The following CHTF18 variants were observed in gnomAD, a reference collection of about 807,000 sequenced individuals.
The protein encoded by CHTF18 is chromosome transmission fidelity factor 18.
CHTF18 carries 151 observed loss-of-function variants against 113.4 expected under a neutral mutation model. That is an observed-to-expected ratio of 1.33 (90% CI 1.17 to 1.52). The LOEUF is 1.52. CHTF18 is among the 40% of genes most tolerant of loss of function. The pLI is 0.00. For synonymous variants in CHTF18, 916 were observed against 598.8 expected, an observed-to-expected ratio of 1.53 and a Z score of -7.74; for missense variants, 1,982 against 1,381.6, an observed-to-expected ratio of 1.43 and a Z score of -6.89.
chr16:794,519 G>C (rs556018096), intron 15 of CHTF18, among the ~76,000 whole-genome samples: 21 of 152,266 alleles, frequency 1.4e-4, no homozygotes, highest in Non-Finnish European at 2.8e-4. Flanking sequence ...CTGGGGCTGC[G>C]AGGGGCTGGA....
chr16:793,156 C>T lies in CHTF18; in HGVS notation c.1684C>T (p.Arg562Trp), dbSNP rs779317202. ...GCCCTATGTCTAGTTCCTGTACAGCCGGGGCCAGCGGGAGCTGAGCGTGCG... is the reference window on the plus strand; with the variant it reads ...GCCCTATGTCTAGTTCCTGTACAGCTGGGGCCAGCGGGAGCTGAGCGTGCG... Reference protein sequence around the residue: ...CINTLQFLYSRGQRELSVRDV... With the variant: ...CINTLQFLYSWGQRELSVRDV... Residue 562 changes from arginine (R) to tryptophan (W), a missense_variant, in exon 14 of 22, where the codon CGG (arginine) becomes TGG (tryptophan). By Grantham distance (101) the Arg-to-Trp change is moderately radical. Transcript: ENST00000262315. 55 of 1,603,004 alleles carry T rather than the reference C, an allele frequency of 3.4e-5. No homozygotes were observed. The highest frequency in any genetic ancestry group is 1.4e-4 in the East Asian group (6 of 44,434).
In CHTF18 at chr16:789,608, G is replaced by A. The variant is rs779803015; in HGVS notation, c.499G>A (p.Val167Ile). The A allele has an allele frequency of 6.8e-6, 11 of 1,608,688 alleles. No homozygotes were observed. Among genetic ancestry groups the A allele is most frequent in the Admixed American group, 5.0e-5 (3 of 59,888 alleles). Residue 167 changes from valine to isoleucine, a missense_variant, in exon 4 of 22, where the codon GTC becomes ATC. By Grantham distance (29) the Val-to-Ile change is conservative (BLOSUM62 3). Coordinates refer to ENST00000262315, the MANE Select transcript of CHTF18 (RefSeq NM_022092.3). ...GGCCTCACCAGCTGCCCGCAATCCC[G>A]TCCTGAGGCGGCCCCCCATCTTGGA... ...TRASPAARNPVLRRPPILEDY... is the reference protein window; with the variant it reads ...TRASPAARNPILRRPPILEDY...
chr16:789,188 T>A (rs1395425243), intron 2 of CHTF18, 22 bp from the exon 3 acceptor site: 1 of 1,550,248 alleles, frequency 6.5e-7, no homozygotes, highest in Non-Finnish European at 8.7e-7. Context: ...GGCCTCTGGT[T>A]CCCTGCATGT....
chr16:797,987 G>T lies in CHTF18; in HGVS notation c.*12G>T, dbSNP rs201902311. The stretch of plus-strand genomic sequence containing the variant: ...GGGACTTGCTCTAGTTCTCTGAGCC[G>T]CGGACATGCCCTCGCATTGCTTCCC... On this transcript the variant is annotated 3_prime_UTR_variant, in exon 22 of 22. Coordinates refer to ENST00000262315, the MANE Select transcript of CHTF18 (RefSeq NM_022092.3). The T allele has an allele frequency of 2.6e-4, 411 of 1,605,406 alleles. 1 individual carries two copies. The African/African-American group carries it at 4.4e-3, about 17-fold the overall frequency.
In CHTF18 at chr16:790,593, A is replaced by G; in HGVS notation, c.821A>G (p.Gln274Arg). ...GAPEEEPTDG[Q>R]DASSHCLWVD... ...CCTGAGGAGGAGCCGACTGACGGTC[A>G]AGACGCCTCCAGTCACTGCCTCTGG... Residue 274 changes from glutamine (Q) to arginine (R), a missense_variant, in exon 7 of 22, where the codon CAA becomes CGA. By Grantham distance (43) the Gln-to-Arg change is conservative (BLOSUM62 1). Coordinates refer to ENST00000262315, the MANE Select transcript of CHTF18 (RefSeq NM_022092.3). The G allele has an allele frequency of 6.3e-7, 1 of 1,597,964 alleles. No homozygotes were observed. Among genetic ancestry groups the G allele is most frequent in the Non-Finnish European group, 8.5e-7 (1 of 1,173,286 alleles).
rs760602273 is a variant in CHTF18, at chr16:792,465, C to A, written c.1353C>A (p.Ile451=). The part of the protein sequence containing the change: ...PVAAINVLLS[I]LNRKGPQEVG... ...CCGCCATCAACGTCCTCCTGAGCAT[C>A]CTGAACCGCAAGGGGCCACAGGAGG... Residue 451 remains isoleucine (I), a synonymous_variant, in exon 11 of 22, where the codon ATC becomes ATA. Coordinates refer to ENST00000262315, the MANE Select transcript of CHTF18 (RefSeq NM_022092.3). 3.7e-5 allele frequency: 58 copies of A among 1,575,992 alleles called. No homozygotes were observed. The highest frequency in any genetic ancestry group is 4.5e-5 in the Non-Finnish European group (52 of 1,161,280).
At position 789,213 on chromosome 16, in the gene CHTF18, C is replaced by G. The variant is rs373985359; in HGVS notation, c.290C>G (p.Pro97Arg). The G allele has an allele frequency of 3.5e-5, 55 of 1,551,198 alleles. No individual in the cohort carries two copies. Among genetic ancestry groups the G allele is most frequent in the Non-Finnish European group, 4.4e-5 (51 of 1,147,516 alleles). ...TCCCTGCATGTGTCTCCCCCAGCCC[C>G]CAGGATCAAACGGCCTAGGCTGCAG... The part of the protein sequence containing the change: ...LQPAGSLPHA[P>R]RIKRPRLQVV... Residue 97 changes from proline (P) to arginine (R), a missense_variant, in exon 3 of 22, where the codon CCC becomes CGC. Transcript: ENST00000262315.
intron 8 of CHTF18, 189 bp downstream of exon 8, chr16:791,559 T>G (rs1056913189): frequency 2.1e-6 from 3 of 1,434,860 alleles, no homozygotes; most frequent in Non-Finnish European, 2.7e-6. Flanking sequence ...TCGTTGTCCC[T>G]GAAGGGCTCT....
At chr16:797,624 C>T in intron 20 of CHTF18, 70 bp from the exon 21 acceptor site, 4 of 1,548,560 alleles carry the variant, frequency 2.6e-6, no homozygotes, top group South Asian at 1.1e-5. Flanking sequence ...GGCTCTCGGT[C>T]CTCCTGTCTT....
Position 793,215 on chromosome 16 carries a change from C to A in CHTF18, c.1743C>A (p.Asp581Glu), listed in dbSNP as rs772196910. 51 of 1,609,458 alleles carry A rather than the reference C, an allele frequency of 3.2e-5. No homozygotes were observed. The highest frequency in any genetic ancestry group is 4.3e-5 in the Non-Finnish European group (51 of 1,178,960). ...DVQATRVGLK[D>E]QRRGLFSVWQ... The stretch of plus-strand genomic sequence containing the variant: ...AGGCCACACGCGTGGGCCTCAAGGA[C>A]CAGCGCAGAGGGCTCTTCTCGGTGT... The change falls in exon 14 of 22, where the codon GAC (aspartate) becomes GAA (glutamate). Residue 581 changes from aspartate to glutamate, a missense_variant. Transcript: ENST00000262315.
At chr16:794,013 T>A (rs765774700) in intron 14 of CHTF18, 41 bp from the exon 15 acceptor site, 25 of 1,590,704 alleles carry the variant, frequency 1.6e-5, no homozygotes, top group Non-Finnish European at 2.1e-5. Context: ...CTGCCTGTGC[T>A]TTTAACACGG....
intron 6 of CHTF18, 33 bp downstream of exon 6, chr16:790,432 C>G (rs909292170): frequency 9.9e-6 from 16 of 1,611,490 alleles, no homozygotes; most frequent in Admixed American, 1.7e-5. Context: ...CCTGGGGACC[C>G]TTGTTGGCTC....
chr16:797,842 A>G lies in CHTF18; in HGVS notation c.2795A>G (p.Asp932Gly). 6.2e-7 allele frequency: 1 copy of G among 1,602,562 alleles called. No homozygotes were observed. The highest frequency in any genetic ancestry group is 1.3e-5 in the African/African-American group (1 of 74,848). The stretch of plus-strand genomic sequence containing the variant: ...GAGCAACCCTGTGGCCCCGCAGGGG[A>G]CACGGCCCCGGAGCAGGACTCAGTG... The part of the protein sequence containing the change: ...VRSTAVPSAG[D>G]TAPEQDSVER... Residue 932 changes from aspartate to glycine, a missense_variant, in exon 22 of 22, where the codon GAC (aspartate) becomes GGC (glycine). Transcript: ENST00000262315.
chr16:790,908 C>T (rs1253723635), intron 7 of CHTF18: 29 of 1,432,784 alleles, frequency 2.0e-5, no homozygotes, highest in Middle Eastern at 5.1e-4. Context: ...TGTTCCCTTT[C>T]CTACCTTCAC....
intron 16 of CHTF18, 38 bp downstream of exon 16, chr16:795,394 G>A (rs372140329): frequency 1.0e-5 from 15 of 1,437,092 alleles, no homozygotes; most frequent in Admixed American, 6.7e-5. Flanking sequence ...CCCCGGCCCC[G>A]TGCCCGCCCC....
rs916855764 is a variant in CHTF18, at chr16:797,809, C to T, written c.2792-30C>T. On this transcript the variant is annotated intron_variant, in intron 21 of 21. Transcript: ENST00000262315. ...GCCTGGGGGTTGTGGGGGGGCCTTA[C>T]AGCTGAGGAGCAACCCTGTGGCCCC... The T allele has an allele frequency of 2.5e-6, 4 of 1,588,870 alleles. No individual in the cohort carries two copies. In the South Asian group the frequency reaches 3.4e-5, roughly 13 times the overall value.
Position 792,817 on chromosome 16 carries a change from T to G in CHTF18, c.1572+6T>G. 1 of 1,539,796 alleles carries G rather than the reference T, an allele frequency of 6.5e-7. No homozygotes were observed. Among genetic ancestry groups the G allele is most frequent in the Non-Finnish European group, 8.7e-7 (1 of 1,146,698 alleles). ...TGGTGCAGCGGCTCCAGGAGGTCGG[T>G]GGAGCCCCAGGAGCCGTGTGGCTGA... On this transcript the variant is annotated splice_donor_region_variant and intron_variant, in intron 12 of 21. Transcript: ENST00000262315.
chr16:792,889 C>G, intron 12 of CHTF18, 77 bp from the exon 13 acceptor site: 7 of 1,529,888 alleles, frequency 4.6e-6, no homozygotes, highest in Non-Finnish European at 6.2e-6. Context: ...GTTTCCCTGC[C>G]CCTCCCCATG....
chr16:792,379 G>T (rs2042221385), intron 10 of CHTF18, 32 bp downstream of exon 10: 10 of 1,560,648 alleles, frequency 6.4e-6, no homozygotes, highest in Non-Finnish European at 8.7e-6. Flanking sequence ...TAGGTGGGTG[G>T]GCGGGCAGGC....
Sources: allele counts gnomAD v4.1 joint callset (sites outside exome capture counted in the v4.1 genomes callset), GRCh38; gene constraint gnomAD v4.1.1; transcripts MANE v1.5; gene names NCBI Gene and HGNC (gene_info 2026-07-23, HGNC 2026-07-21).